The following CDH4 variants were observed in gnomAD, a reference collection of about 807,000 sequenced individuals.
CDH4 encodes the protein cadherin-4.
Under a neutral mutation model 86.0 loss-of-function variants are expected in CDH4, and 33 were observed. The ratio of observed to expected loss-of-function variants is 0.38; its 90% CI spans 0.29 to 0.51. The LOEUF is 0.51. CDH4 is among the 20% of genes least tolerant of loss of function. The pLI is 0.86. For synonymous variants in CDH4, 555 were observed against 549.4 expected, an observed-to-expected ratio of 1.01 and a Z score of -0.14; for missense variants, 1,114 against 1,307.4, an observed-to-expected ratio of 0.85 and a Z score of 2.28.
chr20:61,723,681 CAG>C (rs1568778582), intron 2 of CDH4, among the ~76,000 whole-genome samples: 1 of 152,192 alleles, frequency 6.6e-6, no homozygotes, highest in African/African-American at 2.4e-5. Context: ...CTGTGCGGTG[CAG>C]AGAGAAGAGA....
At chr20:61,803,511 A>G (rs572177820) in intron 4 of CDH4, among the ~76,000 whole-genome samples, 1 of 152,376 alleles carries the variant, frequency 6.6e-6, no homozygotes, top group East Asian at 1.9e-4. Context: ...TTAGAGCCGA[A>G]ATCTCTGCCC....
chr20:61,688,724 C>T (rs1425043856), intron 2 of CDH4, among the ~76,000 whole-genome samples: 4 of 152,258 alleles, frequency 2.6e-5, no homozygotes, highest in Non-Finnish European at 2.9e-5. Flanking sequence ...AACTTAGAGT[C>T]GTTCCTCAAT....
chr20:61,608,301 A>G (rs2086659958), intron 2 of CDH4, among the ~76,000 whole-genome samples: 1 of 152,186 alleles, frequency 6.6e-6, no homozygotes, highest in Non-Finnish European at 1.5e-5. Context: ...TTATCTAGAA[A>G]GTGTTAATAA....
chr20:61,501,033 C>G lies in CDH4; in HGVS notation c.170-242530C>G, dbSNP rs559141020. ...ACAGCAGGCAGGCCCTTGGGAATGG[C>G]TCTGGTGAAATGGGGAGGAGAGAAC... On this transcript the variant is annotated intron_variant, in intron 2 of 15. Coordinates refer to ENST00000614565, the MANE Select transcript of CDH4 (RefSeq NM_001794.5). The surrounding 1 kb of genome is among the most constrained non-coding windows in gnomAD (Gnocchi z 4.2). Among the ~76,000 whole-genome samples the G allele has an allele frequency of 1.1e-4, 17 of 152,324 alleles. No individual in the cohort carries two copies. In the South Asian group the frequency reaches 3.3e-3, roughly 30 times the overall value.
At chr20:61,468,023 T>C (rs945075631) in intron 2 of CDH4, among the ~76,000 whole-genome samples, 1 of 152,206 alleles carries the variant, frequency 6.6e-6, no homozygotes, top group African/African-American at 2.4e-5. Flanking sequence ...GAAAGTGTTA[T>C]TCTCCCAGCA....
chr20:61,254,058 T>C (rs1311168666), intron 1 of CDH4, among the ~76,000 whole-genome samples: 2 of 152,196 alleles, frequency 1.3e-5, no homozygotes, highest in Admixed American at 6.5e-5. Flanking sequence ...CATCCTTCCC[T>C]GGCCCTGTGC....
intron 2 of CDH4, among the ~76,000 whole-genome samples, chr20:61,290,407 G>A (rs1371977101): frequency 7.3e-5 from 7 of 96,036 alleles, no homozygotes; most frequent in African/African-American, 4.2e-5. Context: ...GTTTATCCCC[G>A]TATCCAATGA....
chr20:61,493,482 G>T (rs2085639198), intron 2 of CDH4, among the ~76,000 whole-genome samples: 1 of 152,238 alleles, frequency 6.6e-6, no homozygotes, highest in South Asian at 2.1e-4. Flanking sequence ...AGTGGGTGCT[G>T]ATGCGCTGCC....
rs2087900024 is a variant in CDH4, at chr20:61,712,125, G to A, written c.170-31438G>A. Among the ~76,000 whole-genome samples, 3 of 152,332 alleles carry A rather than the reference G, an allele frequency of 2.0e-5. 1 individual carries two copies. Among genetic ancestry groups the A allele is most frequent in the Middle Eastern group, 3.4e-3 (1 of 294 alleles). ...GGGACGGAGGGTCTTCCACGTGGAT[G>A]ATGGAACTGAGAAGCCAGGAGAGGC... On this transcript the variant is annotated intron_variant, in intron 2 of 15. Transcript: ENST00000614565.
At chr20:61,325,648 G>A (rs892929849) in intron 2 of CDH4, among the ~76,000 whole-genome samples, 1 of 151,924 alleles carries the variant, frequency 6.6e-6, no homozygotes, top group African/African-American at 2.4e-5. Flanking sequence ...AGGGTGGTGC[G>A]ACTTGGGGGG....
In CDH4 at chr20:61,438,809, G is replaced by A. The variant is rs1009309989; in HGVS notation, c.169+183872G>A. On this transcript the variant is annotated intron_variant, in intron 2 of 15. Transcript: ENST00000614565. Reference sequence around the variant, plus strand: ...AGCAGTGTCCAGAAAGAGAACCTTGGCAAAAGTAAATCCTGCCATGTTATT... The same window carrying A: ...AGCAGTGTCCAGAAAGAGAACCTTGACAAAAGTAAATCCTGCCATGTTATT... Among the ~76,000 whole-genome samples the A allele has an allele frequency of 9.7e-4, 147 of 151,900 alleles. 5 individuals are homozygous for A. Among genetic ancestry groups the A allele is most frequent in the Admixed American group, 2.0e-4 (3 of 15,258 alleles).
intron 2 of CDH4, among the ~76,000 whole-genome samples, chr20:61,278,952 G>T (rs1343044893): frequency 6.6e-6 from 1 of 152,214 alleles, no homozygotes; most frequent in Non-Finnish European, 1.5e-5. Flanking sequence ...GCCATAGCAG[G>T]GTTCATTATG....
chr20:61,773,460 G>C (rs1280957644), intron 4 of CDH4, among the ~76,000 whole-genome samples: 2 of 152,130 alleles, frequency 1.3e-5, no homozygotes, highest in East Asian at 3.9e-4. Flanking sequence ...GGGCAGGGGC[G>C]TGGGTCGTGG....
chr20:61,314,389 T>A (rs1266207293), intron 2 of CDH4, among the ~76,000 whole-genome samples: 1 of 152,228 alleles, frequency 6.6e-6, no homozygotes, highest in Non-Finnish European at 1.5e-5. Context: ...GGGCCTGGCT[T>A]GTTTTATTTA....
At chr20:61,680,813 C>G (rs994919638) in intron 2 of CDH4, among the ~76,000 whole-genome samples, 1 of 148,500 alleles carries the variant, frequency 6.7e-6, no homozygotes, top group East Asian at 1.9e-4. Flanking sequence ...AACCTCAGCT[C>G]TGTCCTGAGT....
chr20:61,386,026 C>T (rs557813784), intron 2 of CDH4, among the ~76,000 whole-genome samples: 11 of 152,278 alleles, frequency 7.2e-5, no homozygotes, highest in South Asian at 2.1e-4. Flanking sequence ...ATGTTTCTCC[C>T]GTGGCTCTGT....
At chr20:61,294,019 GGGACAGGTGAAGGCCCCGGCA>G (rs1035057768) in intron 2 of CDH4, among the ~76,000 whole-genome samples, 3 of 152,090 alleles carry the variant, frequency 2.0e-5, no homozygotes, top group African/African-American at 7.2e-5. Flanking sequence ...TGGAGACCCC[GGGACAGGTGAAGGCCCCGGCA>G]GGACAGGTGG....
rs2085771046 is a variant in CDH4, at chr20:61,510,368, C to T, written c.170-233195C>T. ...GCACAAGGCCCGACTCTGGAGATGT[C>T]TGGTGCATGGGAGTTTGTGTGGAAG... On this transcript the variant is annotated intron_variant, in intron 2 of 15. Coordinates refer to ENST00000614565, the MANE Select transcript of CDH4 (RefSeq NM_001794.5). The surrounding 1 kb of genome is among the most constrained non-coding windows in gnomAD (Gnocchi z 4.2). Among the ~76,000 whole-genome samples, 1 of 152,158 alleles carries T rather than the reference C, an allele frequency of 6.6e-6. No homozygotes were observed. Among genetic ancestry groups the T allele is most frequent in the Admixed American group, 6.5e-5 (1 of 15,270 alleles).
At chr20:61,547,224 G>GCCC (rs1568887319) in intron 2 of CDH4, among the ~76,000 whole-genome samples, 1 of 62,246 alleles carries the variant, frequency 1.6e-5, no homozygotes, top group Non-Finnish European at 3.2e-5. Context: ...TTTTTTTTTT[G>GCCC]CCCCCTGAGA....
Sources: gnomAD v4.1 joint callset for allele counts (sites outside exome capture counted in the v4.1 genomes callset) on GRCh38, gnomAD v4.1.1 for gene constraint, Gnocchi (gnomAD v3.1) non-coding constraint, MANE v1.5 for transcripts, NCBI Gene and HGNC (gene_info 2026-07-23, HGNC 2026-07-21) for gene names.